Variants in CNBD1 observed in about 807,000 individuals in gnomAD.
The protein encoded by CNBD1 is cyclic nucleotide binding domain containing 1.
A neutral mutation model predicts 54.4 loss-of-function variants in CNBD1; 71 were observed. That is an observed-to-expected ratio of 1.30 (90% CI 1.08 to 1.59). CNBD1 has a LOEUF of 1.59. Ranked by LOEUF, CNBD1 falls within the 40% of genes most tolerant of loss-of-function variation. The pLI is 0.00. For missense variants in CNBD1, 659 were observed against 518.0 expected, an observed-to-expected ratio of 1.27 and a Z score of -2.64; for synonymous variants, 182 against 170.7, an observed-to-expected ratio of 1.07 and a Z score of -0.51.
At chr8:86,908,800 T>TTTGAGAGGGAGTCC (rs1554629463) in intron 3 of CNBD1, among the ~76,000 whole-genome samples, 1 of 135,776 alleles carries the variant, frequency 7.4e-6, no homozygotes, top group African/African-American at 2.7e-5. Flanking sequence ...TTTTTTTTTT[T>TTTGAGAGGGAGTCC]TGTGCTGAGG....
chr8:87,041,134 G>T lies in CNBD1; in HGVS notation c.431+101380G>T, dbSNP rs986965104. 4.6e-5 allele frequency among the ~76,000 whole-genome samples: 7 copies of T among 152,160 alleles called. No homozygotes were observed. The South Asian group carries it at 1.0e-3, about 23-fold the overall frequency. ...TTAGTGAGGTTCCAAGCAATAAAAGGTATGTAAATAGAAAATAGTATAGCC... is the reference window on the plus strand; with the variant it reads ...TTAGTGAGGTTCCAAGCAATAAAAGTTATGTAAATAGAAAATAGTATAGCC... On this transcript the variant is annotated intron_variant, in intron 4 of 10. Coordinates refer to ENST00000518476, the MANE Select transcript of CNBD1 (RefSeq NM_173538.3).
downstream of CNBD1, among the ~76,000 whole-genome samples, chr8:87,384,042 T>C (rs1409533866): frequency 6.8e-6 from 1 of 146,538 alleles, no homozygotes; most frequent in East Asian, 1.9e-4. Context: ...GCTCATTCAA[T>C]TAAGAATGAG....
chr8:87,273,593 T>G (rs1326204118), intron 6 of CNBD1, among the ~76,000 whole-genome samples: 1 of 152,020 alleles, frequency 6.6e-6, no homozygotes, highest in Non-Finnish European at 1.5e-5. Context: ...GACTTTATGT[T>G]GTGAGTAATG....
chr8:87,184,390 C>G (rs1813429746), intron 4 of CNBD1, among the ~76,000 whole-genome samples: 1 of 152,124 alleles, frequency 6.6e-6, no homozygotes. Context: ...GCAGGCCCAG[C>G]TGCTAATAAA....
At chr8:87,170,469 G>A (rs1813062476) in intron 4 of CNBD1, among the ~76,000 whole-genome samples, 1 of 152,116 alleles carries the variant, frequency 6.6e-6, no homozygotes, top group Non-Finnish European at 1.5e-5. Flanking sequence ...AAAAACAGTG[G>A]TGAAAGTGGG....
chr8:87,185,538 G>C (rs1006035375), intron 4 of CNBD1, among the ~76,000 whole-genome samples: 2 of 152,130 alleles, frequency 1.3e-5, no homozygotes, highest in African/African-American at 4.8e-5. Flanking sequence ...ACAGCATTTA[G>C]TCTATGGCAC....
intron 10 of CNBD1, among the ~76,000 whole-genome samples, chr8:87,363,326 A>G (rs1166340051): frequency 3.3e-5 from 5 of 152,096 alleles, no homozygotes; most frequent in Non-Finnish European, 5.9e-5. Context: ...ATGTGCCTTT[A>G]TAGTAGAATG....
At chr8:87,020,116 A>G (rs1393221110) in intron 4 of CNBD1, among the ~76,000 whole-genome samples, 1 of 152,122 alleles carries the variant, frequency 6.6e-6, no homozygotes, top group Non-Finnish European at 1.5e-5. Context: ...TCATATTACT[A>G]TATTAACATT....
intron 4 of CNBD1, among the ~76,000 whole-genome samples, chr8:87,161,667 AT>A (rs909525799): frequency 3.3e-4 from 50 of 152,172 alleles, no homozygotes; most frequent in African/African-American, 1.2e-3. Context: ...TGACTGAAGA[AT>A]TCTCTGAAGA....
intron 4 of CNBD1, among the ~76,000 whole-genome samples, chr8:87,015,117 C>T (rs1240266867): frequency 2.0e-5 from 3 of 151,994 alleles, no homozygotes; most frequent in African/African-American, 4.8e-5. Flanking sequence ...TACTAAAAAA[C>T]GTACATGAAT....
intron 8 of CNBD1, among the ~76,000 whole-genome samples, chr8:87,330,598 A>T (rs576903080): frequency 6.6e-6 from 1 of 152,100 alleles, no homozygotes; most frequent in Non-Finnish European, 1.5e-5. Flanking sequence ...GTTGTTCTGG[A>T]TATCTCTTAG....
chr8:87,328,383 T>A (rs1291840103), intron 8 of CNBD1, among the ~76,000 whole-genome samples: 1 of 151,924 alleles, frequency 6.6e-6, no homozygotes, highest in Non-Finnish European at 1.5e-5. Flanking sequence ...TTTAATACTT[T>A]AATTATTGTG....
chr8:86,975,025 T>C (rs1808310653), intron 4 of CNBD1, among the ~76,000 whole-genome samples: 1 of 152,058 alleles, frequency 6.6e-6, no homozygotes, highest in South Asian at 2.1e-4. Flanking sequence ...TAGGCACAGA[T>C]AAAATGAAAA....
chr8:87,027,110 C>T (rs371444253), intron 4 of CNBD1, among the ~76,000 whole-genome samples: 21 of 151,574 alleles, frequency 1.4e-4, no homozygotes, highest in East Asian at 7.8e-4. Context: ...ATTTGGTAAA[C>T]GCAATATATA....
At chr8:86,928,311 C>T (rs564879360) in intron 3 of CNBD1, among the ~76,000 whole-genome samples, 3 of 152,246 alleles carry the variant, frequency 2.0e-5, no homozygotes, top group South Asian at 2.1e-4. Context: ...TTCGGATTCT[C>T]GACAAGGCCA....
intron 4 of CNBD1, among the ~76,000 whole-genome samples, chr8:86,986,862 G>T (rs1222790607): frequency 6.6e-6 from 1 of 152,086 alleles, no homozygotes; most frequent in African/African-American, 2.4e-5. Context: ...CTGTTCCATT[G>T]GTTGATGTGT....
chr8:86,929,946 C>T (rs1407683836), intron 3 of CNBD1, among the ~76,000 whole-genome samples: 1 of 152,186 alleles, frequency 6.6e-6, no homozygotes, highest in African/African-American at 2.4e-5. Flanking sequence ...TATTCCCACT[C>T]TCTCTGTGAC....
intron 1 of CNBD1, among the ~76,000 whole-genome samples, chr8:86,881,453 G>T (rs1184725551): frequency 6.6e-6 from 1 of 152,058 alleles, no homozygotes; most frequent in Admixed American, 6.6e-5. Context: ...TAGGAATACA[G>T]CTAACAAGGG....
intron 4 of CNBD1, among the ~76,000 whole-genome samples, chr8:87,010,310 C>T (rs1227538914): frequency 2.0e-5 from 3 of 152,128 alleles, no homozygotes; most frequent in Admixed American, 2.0e-4. Context: ...TCTTTCATCT[C>T]TCCAAGCTTC....
Sources: gnomAD v4.1 joint callset for allele counts (sites outside exome capture counted in the v4.1 genomes callset) on GRCh38, gnomAD v4.1.1 for gene constraint, MANE v1.5 for transcripts, NCBI Gene and HGNC (gene_info 2026-07-23, HGNC 2026-07-21) for gene names.